The following KIF1A variants were observed in gnomAD, a reference collection of about 807,000 sequenced individuals.
KIF1A encodes kinesin family member 1A, also known as kinesin-like protein KIF1A.
Under a neutral mutation model 227.3 loss-of-function variants are expected in KIF1A, and 46 were observed. The observed-to-expected ratio is 0.20, with a 90% CI of 0.16 to 0.26. KIF1A has a LOEUF of 0.26. KIF1A is among the 10% of genes least tolerant of loss of function. KIF1A has a pLI of 1.00. For missense variants in KIF1A, 1,683 were observed against 2,485.9 expected (o/e 0.68, Z 6.87); for synonymous variants, 1,022 against 1,012.8 (o/e 1.01, Z -0.17).
At chr2:240,816,212 A>C (rs2058305289) in intron 1 of KIF1A, among the ~76,000 whole-genome samples, 2 of 151,592 alleles carry the variant, frequency 1.3e-5, no homozygotes, top group Admixed American at 1.3e-4. Flanking sequence ...GTGCATAAGC[A>C]TGTGTGTATG....
intron 38 of KIF1A, among the ~76,000 whole-genome samples, chr2:240,732,331 G>T (rs1019180415): frequency 2.8e-5 from 4 of 140,630 alleles, no homozygotes; most frequent in Non-Finnish European, 6.2e-5. Context: ...GGAAATGAGG[G>T]GGTGAAGGAG....
rs2051162732 is a variant in KIF1A at position 240,766,276 on chromosome 2, C to G, written c.1685-483G>C. Among the ~76,000 whole-genome samples the G allele has an allele frequency of 6.6e-6, 1 of 152,234 alleles. No individual in the cohort carries two copies. The highest frequency in any genetic ancestry group is 6.5e-5 in the Admixed American group (1 of 15,290). On this transcript the variant is annotated intron_variant, in intron 19 of 48. Coordinates refer to ENST00000498729, the MANE Select transcript of KIF1A (RefSeq NM_001244008.2). This position sits in a 1 kb window ranked among gnomAD's most constrained non-coding sequence, Gnocchi z 5.0. ...CTGCAGGCCAGAGGCTGGCTGGATG[C>G]TGCCGGGAGATGCCCTTAGCCTGGG...
intron 15 of KIF1A, 151 bp downstream of exon 15, chr2:240,770,820 C>G: frequency 1.1e-6 from 1 of 937,866 alleles, no homozygotes; most frequent in South Asian, 1.8e-5. Flanking sequence ...CACTGGGCAC[C>G]TGGGTGGCCA....
In KIF1A at chr2:240,787,328, G is replaced by T. The variant is rs748947326; in HGVS notation, c.364-12C>A. ...AGGTCCTCGCAGAGCTGCAGGAATG[G>T]GGGGACAGTCAGCCAGGGAGGGCTG... On this transcript the variant is annotated splice_polypyrimidine_tract_variant and intron_variant, in intron 4 of 48. Coordinates refer to ENST00000498729, the MANE Select transcript of KIF1A (RefSeq NM_001244008.2). 1.2e-6 allele frequency: 2 copies of T among 1,612,156 alleles called. No homozygotes were observed. Among genetic ancestry groups the T allele is most frequent in the Non-Finnish European group, 1.7e-6 (2 of 1,179,000 alleles).
intron 1 of KIF1A, among the ~76,000 whole-genome samples, chr2:240,809,497 C>T (rs768195042): frequency 7.2e-5 from 11 of 152,006 alleles, no homozygotes; most frequent in African/African-American, 1.9e-4. Context: ...AGAGGACGGA[C>T]GACCGAACCA....
intron 28 of KIF1A, among the ~76,000 whole-genome samples, chr2:240,748,427 G>T (rs534618739): frequency 6.6e-6 from 1 of 152,182 alleles, no homozygotes; most frequent in Non-Finnish European, 1.5e-5. Flanking sequence ...GACATGGGCC[G>T]GCCCCACGGC....
At chr2:240,784,929 C>T in intron 7 of KIF1A, 60 bp downstream of exon 7, 3 of 1,400,286 alleles carry the variant, frequency 2.1e-6, no homozygotes, top group Non-Finnish European at 3.0e-6. Context: ...TGACCACCAC[C>T]CCTACCCTGA....
chr2:240,799,211 C>T (rs971392213), intron 1 of KIF1A, among the ~76,000 whole-genome samples: 1 of 151,638 alleles, frequency 6.6e-6, no homozygotes, highest in African/African-American at 2.4e-5. Flanking sequence ...AAAGGGGGCA[C>T]AGCGAGCCTG....
At chr2:240,813,234 G>A (rs2058085850) in intron 1 of KIF1A, among the ~76,000 whole-genome samples, 1 of 152,230 alleles carries the variant, frequency 6.6e-6, no homozygotes, top group Non-Finnish European at 1.5e-5. Flanking sequence ...GGAGAGTAAG[G>A]AGCCCCAGGT....
At chr2:240,807,817 T>G (rs2057553728) in intron 1 of KIF1A, among the ~76,000 whole-genome samples, 1 of 152,166 alleles carries the variant, frequency 6.6e-6, no homozygotes. Flanking sequence ...AAAAGGGCAA[T>G]GCAGGTAAGC....
At chr2:240,753,029 G>A (rs1343622582) in intron 27 of KIF1A, among the ~76,000 whole-genome samples, 1 of 152,228 alleles carries the variant, frequency 6.6e-6, no homozygotes, top group Admixed American at 6.5e-5. Flanking sequence ...CAATTCCACA[G>A]GGGCTGCTGG....
In KIF1A at chr2:240,763,004, G is replaced by T; in HGVS notation, c.2022+15C>A. Reference sequence around the variant, plus strand: ...GGTGGGGGCTGGGCAGGGAGGGCGGGGCCACGTCACTCACCAGCCGCTGCT... The same window carrying T: ...GGTGGGGGCTGGGCAGGGAGGGCGGTGCCACGTCACTCACCAGCCGCTGCT... On this transcript the variant is annotated intron_variant, in intron 22 of 48. Transcript: ENST00000498729. 1 of 1,479,254 alleles carries T rather than the reference G, an allele frequency of 6.8e-7. No individual in the cohort carries two copies. The highest frequency in any genetic ancestry group is 9.0e-7 in the Non-Finnish European group (1 of 1,115,686). 91.6% of individuals were successfully genotyped at this position (1,479,254 alleles called of 1,614,324 possible). A position where few individuals can be genotyped will look rare whatever the true frequency, so the allele number is the denominator to read the frequency against.
At chr2:240,719,239 G>T (rs1401762322) in intron 46 of KIF1A, 41 bp from the exon 47 acceptor site, 2 of 1,571,962 alleles carry the variant, frequency 1.3e-6, no homozygotes, top group African/African-American at 2.7e-5. Flanking sequence ...CCTCGGTGGG[G>T]GCAGCGACTG....
At chr2:240,730,228 A>AGGACCCATATG (rs2046448483) in intron 38 of KIF1A, among the ~76,000 whole-genome samples, 4 of 152,194 alleles carry the variant, frequency 2.6e-5, no homozygotes, top group Admixed American at 6.5e-5. Flanking sequence ...TCACCCACAC[A>AGGACCCATATG]GGACCCACAT....
In KIF1A at chr2:240,740,807, C is replaced by T. The variant is rs899176745; in HGVS notation, c.3750-443G>A. Among the ~76,000 whole-genome samples, 2 of 152,142 alleles carry T rather than the reference C, an allele frequency of 1.3e-5. No individual in the cohort carries two copies. The highest frequency in any genetic ancestry group is 4.8e-5 in the African/African-American group (2 of 41,438). ...AGTCTCCACCAGGCCCCACTCTGAG[C>T]TGCCAGCCACAGCCCAGCTCCCAGC... On this transcript the variant is annotated intron_variant, in intron 35 of 48. Coordinates refer to ENST00000498729, the MANE Select transcript of KIF1A (RefSeq NM_001244008.2). This position sits in a 1 kb window ranked among gnomAD's most constrained non-coding sequence, Gnocchi z 6.1.
intron 11 of KIF1A, 56 bp from the exon 12 acceptor site, chr2:240,774,317 T>G: frequency 7.6e-6 from 9 of 1,189,120 alleles, no homozygotes; most frequent in Non-Finnish European, 1.1e-5. Context: ...CAGGGCTATG[T>G]CTGCTCCCCC....
chr2:240,782,909 T>C (rs1174166808), intron 9 of KIF1A, 135 bp downstream of exon 9: 74 of 780,330 alleles, frequency 9.5e-5, no homozygotes, highest in Middle Eastern at 3.2e-4. Flanking sequence ...TGTGACACTC[T>C]GGCCATCTCC....
intron 10 of KIF1A, among the ~76,000 whole-genome samples, chr2:240,781,445 A>T (rs2053961858): frequency 1.6e-5 from 1 of 62,096 alleles, no homozygotes; most frequent in South Asian, 3.9e-4. Context: ...ACACACACAC[A>T]CACACACACA....
Position 240,757,420 on chromosome 2 carries a change from C to T in KIF1A, c.2757G>A (p.Glu919=). The change falls in exon 27 of 49, where the codon GAG becomes GAA. Residue 919 remains glutamate, a synonymous_variant. Transcript: ENST00000498729. The surrounding 1 kb of genome is among the most constrained non-coding windows in gnomAD (Gnocchi z 6.2). ...EEEEEEEEED[E]EEEDLEDDVF... Reference sequence around the variant, plus strand: ...CGTCGTCCTCCAGGTCCTCCTCCTCCTCATCCTCCTCCTCCTCCTCCTCCT... The same window carrying T: ...CGTCGTCCTCCAGGTCCTCCTCCTCTTCATCCTCCTCCTCCTCCTCCTCCT... 6.7e-7 allele frequency: 1 copy of T among 1,494,320 alleles called. No individual in the cohort carries two copies. Among genetic ancestry groups the T allele is most frequent in the Non-Finnish European group, 8.9e-7 (1 of 1,121,822 alleles). The allele number at this position is 1,494,320 out of a possible 1,614,324, so 92.6% of individuals were successfully genotyped here.
Sources: gnomAD v4.1 joint callset for allele counts (sites outside exome capture counted in the v4.1 genomes callset) on GRCh38, gnomAD v4.1.1 for gene constraint, Gnocchi (gnomAD v3.1) non-coding constraint, MANE v1.5 for transcripts, NCBI Gene and HGNC (gene_info 2026-07-23, HGNC 2026-07-21) for gene names.